Variants in ZNF292 observed in about 807,000 individuals in gnomAD.
ZNF292 encodes the protein zinc finger protein 292.
ZNF292 carries 26 observed loss-of-function variants against 217.9 expected under a neutral mutation model. The ratio of observed to expected loss-of-function variants is 0.12; its 90% CI spans 0.09 to 0.17. The LOEUF (loss-of-function observed/expected upper bound fraction) is 0.17, where lower values mean the gene tolerates loss of function less well. Ranked by LOEUF, ZNF292 falls within the 10% of genes least tolerant of loss-of-function variation. ZNF292 has a pLI of 1.00. For synonymous variants in ZNF292, 1,257 were observed against 1,124.1 expected, an observed-to-expected ratio of 1.12 and a Z score of -2.37; for missense variants, 2,904 against 3,175.2, an observed-to-expected ratio of 0.91 and a Z score of 2.05.
chr6:87,201,393 T>TTTG (rs533666842), intron 1 of ZNF292, among the ~76,000 whole-genome samples: 50 of 152,238 alleles, frequency 3.3e-4, no homozygotes, highest in African/African-American at 1.2e-3. Flanking sequence ...CATCCTAAAG[T>TTTG]TTGTTGTTGT....
At chr6:87,210,348 A>G (rs981155099) in intron 1 of ZNF292, among the ~76,000 whole-genome samples, 1 of 152,148 alleles carries the variant, frequency 6.6e-6, no homozygotes, top group Non-Finnish European at 1.5e-5. Flanking sequence ...ACAATTAGGA[A>G]AAAAAGTCAA....
intron 7 of ZNF292, among the ~76,000 whole-genome samples, chr6:87,246,307 A>G (rs13194868): frequency 0.25 from 37,847 of 152,278 alleles, 5,485 homozygotes; most frequent in Admixed American, 0.38. Context: ...TTCCTCTGCT[A>G]GCAGAAGGGA....
chr6:87,254,499 A>T (rs1775100884), intron 7 of ZNF292, 151 bp from the exon 8 acceptor site: 2 of 698,408 alleles, frequency 2.9e-6, no homozygotes, highest in Non-Finnish European at 4.8e-6. Context: ...CACATACCAG[A>T]CTAAGCTGCA....
chr6:87,232,694 A>G (rs1258382538), intron 4 of ZNF292, among the ~76,000 whole-genome samples: 2 of 152,054 alleles, frequency 1.3e-5, no homozygotes, highest in Non-Finnish European at 2.9e-5. Context: ...TTGATGTTTT[A>G]AAAATAACGA....
intron 1 of ZNF292, among the ~76,000 whole-genome samples, chr6:87,210,651 G>T: frequency 6.6e-6 from 1 of 152,074 alleles, no homozygotes; most frequent in Non-Finnish European, 1.5e-5. Context: ...TTGGTGGCGG[G>T]CGTCTGTAGT....
intron 1 of ZNF292, among the ~76,000 whole-genome samples, chr6:87,211,166 C>T (rs988941130): frequency 1.3e-5 from 2 of 152,120 alleles, no homozygotes; most frequent in African/African-American, 2.4e-5. Context: ...CTTTGAATAA[C>T]TTCAGTTCGT....
rs185438766 is a variant in ZNF292, at chr6:87,209,775, G to A, written c.169-6128G>A. 9.1e-3 allele frequency among the ~76,000 whole-genome samples: 1,390 copies of A among 152,288 alleles called. 31 individuals are homozygous for A. The highest frequency in any genetic ancestry group is 0.032 in the African/African-American group (1,350 of 41,558). ...ATTGTTATTTTAAACTTGTTTATAA[G>A]TAAGTAAAAGTCTCAGTTTTTGTTT... On this transcript the variant is annotated intron_variant, in intron 1 of 7. Transcript: ENST00000369577.
At chr6:87,220,357 A>G (rs984681669) in intron 4 of ZNF292, among the ~76,000 whole-genome samples, 4 of 152,242 alleles carry the variant, frequency 2.6e-5, no homozygotes, top group African/African-American at 7.2e-5. Flanking sequence ...TTTAACCATC[A>G]TAGTGAATGC....
intron 5 of ZNF292, among the ~76,000 whole-genome samples, chr6:87,242,529 A>C (rs1774344048): frequency 6.6e-6 from 1 of 152,176 alleles, no homozygotes; most frequent in African/African-American, 2.4e-5. Flanking sequence ...ATATTTTATG[A>C]AAGAGAGAAA....
chr6:87,231,244 C>T (rs1236800729), intron 4 of ZNF292, among the ~76,000 whole-genome samples: 1 of 152,056 alleles, frequency 6.6e-6, no homozygotes, highest in East Asian at 1.9e-4. Context: ...AATTATCTTC[C>T]TTTAAAGGCT....
Position 87,261,478 on chromosome 6 carries a change from A to G in ZNF292, c.7849A>G (p.Thr2617Ala). The change falls in exon 8 of 8, where the codon ACT becomes GCT. Residue 2617 changes from threonine to alanine, a missense_variant. Physicochemically the swap from Thr to Ala is moderately conservative, Grantham distance 58. Around this residue, in one of 15 missense-constraint regions of ZNF292, gnomAD observed 380 missense variants for 355.3 expected, o/e 1.07. Transcript: ENST00000369577. ...AAATACTGACAAAGACCATCCGAAT[A>G]CTGGAAACAAAAAAGGATCCCATTC... ...KKNTDKDHPN[T>A]GNKKGSHSNS... 1 of 1,604,230 alleles carries G rather than the reference A, an allele frequency of 6.2e-7. No homozygotes were observed. The highest frequency in any genetic ancestry group is 8.5e-7 in the Non-Finnish European group (1 of 1,174,726).
intron 1 of ZNF292, among the ~76,000 whole-genome samples, chr6:87,201,752 A>G (rs60285195): frequency 0.082 from 12,441 of 152,216 alleles, 862 homozygotes; most frequent in African/African-American, 0.19. Context: ...TTACTTGTCC[A>G]TATAGGATAT....
chr6:87,227,174 AG>A (rs1773399680), intron 4 of ZNF292, among the ~76,000 whole-genome samples: 1 of 152,186 alleles, frequency 6.6e-6, no homozygotes, highest in African/African-American at 2.4e-5. Flanking sequence ...AAAGGGTAAG[AG>A]GTGGGGTCAA....
intron 5 of ZNF292, among the ~76,000 whole-genome samples, chr6:87,241,714 C>G (rs1463309470): frequency 6.6e-6 from 1 of 152,180 alleles, no homozygotes; most frequent in Non-Finnish European, 1.5e-5. Flanking sequence ...GCCACCGTGT[C>G]CGGCCAGAGC....
Position 87,255,575 on chromosome 6 carries a change from A to T in ZNF292, c.1946A>T (p.Asn649Ile). Residue 649 changes from asparagine (N) to isoleucine (I), a missense_variant, in exon 8 of 8, where the codon AAT (asparagine) becomes ATT (isoleucine). This residue lies in a region of ZNF292 where 216 missense variants were observed against 308.3 expected (regional missense o/e 0.70). Coordinates refer to ENST00000369577, the MANE Select transcript of ZNF292 (RefSeq NM_015021.3). Reference protein sequence around the residue: ...SLYSTDFIVFNDNDGSDDEND... With the variant: ...SLYSTDFIVFIDNDGSDDEND... Reference sequence around the variant, plus strand: ...TATTCAACAGATTTTATAGTGTTTAATGACAATGATGGTTCAGATGATGAG... The same window carrying T: ...TATTCAACAGATTTTATAGTGTTTATTGACAATGATGGTTCAGATGATGAG... 1.2e-6 allele frequency: 2 copies of T among 1,610,772 alleles called. No homozygotes were observed. Among genetic ancestry groups the T allele is most frequent in the East Asian group, 2.2e-5 (1 of 44,834 alleles).
At chr6:87,224,612 ACATT>A (rs1264289587) in intron 4 of ZNF292, among the ~76,000 whole-genome samples, 2 of 152,168 alleles carry the variant, frequency 1.3e-5, no homozygotes, top group African/African-American at 4.8e-5. Flanking sequence ...TGTATATTTA[ACATT>A]CATCCAGGGC....
At chr6:87,233,198 T>C (rs896833522) in intron 4 of ZNF292, 127 bp from the exon 5 acceptor site, 8 of 657,386 alleles carry the variant, frequency 1.2e-5, no homozygotes, top group Non-Finnish European at 2.0e-5. Context: ...ATAGCCTTAC[T>C]AGCAATAATA....
chr6:87,217,416 A>G (rs554297013), intron 3 of ZNF292, among the ~76,000 whole-genome samples: 6 of 152,080 alleles, frequency 3.9e-5, no homozygotes, highest in Non-Finnish European at 8.8e-5. Flanking sequence ...TCACATTGCA[A>G]CTAACTTTTT....
intron 5 of ZNF292, among the ~76,000 whole-genome samples, chr6:87,239,495 C>A (rs1489975330): frequency 1.9e-5 from 2 of 103,706 alleles, no homozygotes; most frequent in African/African-American, 8.2e-5. Flanking sequence ...GGCTGCCCCC[C>A]ACCTCCCTCC....
Sources: allele counts gnomAD v4.1 joint callset (sites outside exome capture counted in the v4.1 genomes callset), GRCh38; gene constraint gnomAD v4.1.1; regional missense constraint gnomAD v4.1.1; transcripts MANE v1.5; gene names NCBI Gene and HGNC (gene_info 2026-07-23, HGNC 2026-07-21).